The following XKR9 variants were observed in gnomAD, a reference collection of about 807,000 sequenced individuals.
XKR9 encodes the protein XK-related protein 9.
XKR9 carries 32 observed loss-of-function variants against 32.0 expected under a neutral mutation model. The ratio of observed to expected loss-of-function variants is 1.00; its 90% CI spans 0.76 to 1.34. XKR9 has a LOEUF of 1.34. Among genes scored for constraint, XKR9 ranks in the 40% most tolerant of loss-of-function variants. The pLI is 0.00. For missense variants in XKR9, 546 were observed against 429.7 expected, an observed-to-expected ratio of 1.27 and a Z score of -2.39; for synonymous variants, 168 against 143.4, an observed-to-expected ratio of 1.17 and a Z score of -1.22.
the XKR9 span, among the ~76,000 whole-genome samples, chr8:71,059,914 G>C: frequency 1.3e-5 from 2 of 152,150 alleles, no homozygotes; most frequent in Non-Finnish European, 2.9e-5. Flanking sequence ...TAAGAAACTT[G>C]TTCTGCTAGT....
chr8:70,906,680 T>C, the XKR9 span, among the ~76,000 whole-genome samples: 1 of 152,152 alleles, frequency 6.6e-6, no homozygotes, highest in Admixed American at 6.5e-5. Context: ...AAGCAGAAAA[T>C]GGGTTTTCCA....
the XKR9 span, among the ~76,000 whole-genome samples, chr8:71,015,394 G>A: frequency 6.6e-6 from 1 of 152,124 alleles, no homozygotes; most frequent in Non-Finnish European, 1.5e-5. Flanking sequence ...ATAGTATTTT[G>A]GAAGAGGCTG....
At chr8:71,016,910 A>C in the XKR9 span, among the ~76,000 whole-genome samples, 3 of 152,194 alleles carry the variant, frequency 2.0e-5, no homozygotes, top group Non-Finnish European at 2.9e-5. Context: ...AGATATAATT[A>C]ATAGAATGCC....
chr8:70,885,461 A>G, the XKR9 span, among the ~76,000 whole-genome samples: 5 of 152,336 alleles, frequency 3.3e-5, no homozygotes, highest in South Asian at 4.1e-4. Context: ...CAAGTTTGTT[A>G]CATAGGTATA....
the XKR9 span, among the ~76,000 whole-genome samples, chr8:70,920,644 C>T: frequency 6.6e-6 from 1 of 151,968 alleles, no homozygotes; most frequent in Non-Finnish European, 1.5e-5. Flanking sequence ...TGGCCATATC[C>T]TTTTCTATGT....
chr8:70,848,641 C>T, the XKR9 span, among the ~76,000 whole-genome samples: 1 of 151,788 alleles, frequency 6.6e-6, no homozygotes, highest in Admixed American at 6.6e-5. Context: ...AAGACACAGA[C>T]TGGCAAATTG....
intron 2 of XKR9, among the ~76,000 whole-genome samples, chr8:70,741,034 C>T (rs1324996490): frequency 1.3e-5 from 2 of 152,228 alleles, no homozygotes; most frequent in African/African-American, 4.8e-5. Flanking sequence ...GCAGAGGTTA[C>T]TGCTGTCTTT....
chr8:70,779,014 C>T (rs1389768118), intron 2 of XKR9, among the ~76,000 whole-genome samples: 3 of 152,110 alleles, frequency 2.0e-5, no homozygotes, highest in Non-Finnish European at 4.4e-5. Context: ...AGAAGGTGTC[C>T]TTGTCTTGCA....
the XKR9 span, among the ~76,000 whole-genome samples, chr8:70,897,823 CT>C: frequency 6.6e-6 from 1 of 152,148 alleles, no homozygotes; most frequent in Non-Finnish European, 1.5e-5. Flanking sequence ...CGTGGGTTAT[CT>C]CTTCACTTTG....
chr8:70,873,307 C>A, the XKR9 span, among the ~76,000 whole-genome samples: 2 of 152,140 alleles, frequency 1.3e-5, no homozygotes, highest in Non-Finnish European at 2.9e-5. Flanking sequence ...ACTTTCAAAT[C>A]TCATGATTTA....
At chr8:71,054,647 TGTAAGGTCCCAGGGGCATTTTAGGAA>T in the XKR9 span, among the ~76,000 whole-genome samples, 4 of 152,332 alleles carry the variant, frequency 2.6e-5, no homozygotes, top group East Asian at 3.9e-4. Context: ...CTGCTCTGTT[TGTAAGGTCCCAGGGGCATTTTAGGAA>T]ACAGTTCATT....
At chr8:71,004,045 G>C in the XKR9 span, among the ~76,000 whole-genome samples, 1 of 149,666 alleles carries the variant, frequency 6.7e-6, no homozygotes. Flanking sequence ...AAGAAACCAG[G>C]CATAAATGAG....
intron 3 of XKR9, among the ~76,000 whole-genome samples, chr8:70,686,214 C>T (rs1819271311): frequency 6.7e-6 from 1 of 149,108 alleles, no homozygotes; most frequent in Admixed American, 6.7e-5. Flanking sequence ...TTTTTACTCT[C>T]AACACTTTAA....
chr8:70,998,055 A>G, the XKR9 span, among the ~76,000 whole-genome samples: 1 of 152,194 alleles, frequency 6.6e-6, no homozygotes, highest in African/African-American at 2.4e-5. Context: ...TCAATTTACA[A>G]AATTGTTAGA....
the XKR9 span, among the ~76,000 whole-genome samples, chr8:70,939,777 G>A: frequency 6.6e-6 from 1 of 151,786 alleles, no homozygotes; most frequent in African/African-American, 2.4e-5. Flanking sequence ...AAAAAGACAT[G>A]GTCCATATGT....
intron 4 of XKR9, among the ~76,000 whole-genome samples, chr8:70,717,088 C>T (rs1806118171): frequency 6.6e-6 from 1 of 152,220 alleles, no homozygotes; most frequent in South Asian, 2.1e-4. Flanking sequence ...AGGTGGACTC[C>T]TATGGCCTTG....
chr8:70,734,197 T>A lies in XKR9; in HGVS notation c.895T>A (p.Leu299Met). ...CYYIVRVLGT[L>M]GILTVFWVCP... ...TTATATTGTTAGGGTACTGGGCACT[T>A]TGGGGATATTGACTGTATTCTGGGT... Residue 299 changes from leucine (L) to methionine (M), a missense_variant, in exon 5 of 5, where the codon TTG becomes ATG. Coordinates refer to ENST00000408926, the MANE Select transcript of XKR9 (RefSeq NM_001011720.2). The A allele has an allele frequency of 6.2e-7, 1 of 1,613,494 alleles. No homozygotes were observed. The highest frequency in any genetic ancestry group is 8.5e-7 in the Non-Finnish European group (1 of 1,179,686).
chr8:70,878,813 T>G, the XKR9 span, among the ~76,000 whole-genome samples: 302 of 152,176 alleles, frequency 2.0e-3, 2 homozygotes, highest in South Asian at 0.022. Context: ...ACCTAATAGA[T>G]ATCTACAGAA....
downstream of XKR9, among the ~76,000 whole-genome samples, chr8:70,740,472 A>G (rs574168065): frequency 1.3e-5 from 2 of 152,166 alleles, no homozygotes; most frequent in African/African-American, 4.8e-5. Context: ...TCAACTCGTC[A>G]AAGTCATTCT....
Sources: gnomAD v4.1 joint callset for allele counts (sites outside exome capture counted in the v4.1 genomes callset) on GRCh38, gnomAD v4.1.1 for gene constraint, MANE v1.5 for transcripts, NCBI Gene and HGNC (gene_info 2026-07-23, HGNC 2026-07-21) for gene names.